TENM4: variants seen among roughly 807,000 people sequenced by gnomAD.
The protein encoded by TENM4 is teneurin-4.
In TENM4, 82 loss-of-function variants were observed where a neutral mutation model predicts 243.3. That is an observed-to-expected ratio of 0.34 (90% CI 0.28 to 0.40). TENM4 has a LOEUF of 0.40. Among genes scored for constraint, TENM4 ranks in the 10% least tolerant of loss-of-function variants. The pLI is 1.00. For missense variants in TENM4, 3,138 were observed against 3,673.3 expected, an observed-to-expected ratio of 0.85 and a Z score of 3.77; for synonymous variants, 1,412 against 1,456.3, an observed-to-expected ratio of 0.97 and a Z score of 0.69.
Position 78,805,282 on chromosome 11 carries a change from C to CCCCACCACCCCCCCCCCCCCAA in TENM4, c.2179+9_2179+10insTTGGGGGGGGGGGGGTGGTGGG. On this transcript the variant is annotated intron_variant, in intron 15 of 33. Coordinates refer to ENST00000278550, the MANE Select transcript of TENM4 (RefSeq NM_001098816.3). ...CCCTCTACCCATGCTTCTTCTCCCC[C>CCCCACCACCCCCCCCCCCCCAA]TGCATTTACCGATAGAACAGTCGTG... 1.0e-6 allele frequency: 1 copy of CCCCACCACCCCCCCCCCCCCAA among 995,568 alleles called. No homozygotes were observed. The highest frequency in any genetic ancestry group is 1.2e-6 in the Non-Finnish European group (1 of 823,790). 61.7% of individuals were successfully genotyped at this position (995,568 alleles called of 1,614,324 possible). A position where few individuals can be genotyped will look rare whatever the true frequency, so the allele number is the denominator to read the frequency against.
At chr11:79,258,911 G>A (rs955356749) in intron 2 of TENM4, among the ~76,000 whole-genome samples, 1 of 152,254 alleles carries the variant, frequency 6.6e-6, no homozygotes, top group Middle Eastern at 3.4e-3. Flanking sequence ...CCCGAGATGA[G>A]CAATCTGAAG....
intron 6 of TENM4, among the ~76,000 whole-genome samples, chr11:79,026,193 T>C (rs1369570112): frequency 6.6e-6 from 1 of 152,202 alleles, no homozygotes; most frequent in Non-Finnish European, 1.5e-5. Flanking sequence ...TAACATTCAT[T>C]AAGGGTATTC....
intron 7 of TENM4, among the ~76,000 whole-genome samples, 153 bp downstream of exon 7, chr11:78,903,115 G>A (rs1334899123): frequency 2.0e-5 from 3 of 152,198 alleles, no homozygotes; most frequent in Non-Finnish European, 2.9e-5. Flanking sequence ...CATGCTGGCA[G>A]TCAGGGAACC....
At chr11:79,409,144 G>A (rs1265421834) in intron 1 of TENM4, among the ~76,000 whole-genome samples, 2 of 150,570 alleles carry the variant, frequency 1.3e-5, no homozygotes, top group African/African-American at 4.9e-5. Context: ...ATGCGTGAGA[G>A]TTAGTGGTTT....
chr11:79,196,274 G>T (rs1324883412), intron 3 of TENM4, among the ~76,000 whole-genome samples: 2 of 152,038 alleles, frequency 1.3e-5, no homozygotes, highest in Non-Finnish European at 2.9e-5. Flanking sequence ...AGCCCAACAG[G>T]CCTGGCTCTG....
intron 6 of TENM4, among the ~76,000 whole-genome samples, chr11:79,028,450 C>T (rs1458936670): frequency 3.9e-5 from 6 of 152,188 alleles, no homozygotes; most frequent in East Asian, 1.9e-4. Flanking sequence ...AGCTACAATG[C>T]GGCTGCAACA....
chr11:78,652,913 G>A lies in TENM4; in HGVS notation c.*5145C>T, dbSNP rs1046004928. ...GCAGTGGCATGGTGGATGACTCTGTGTGCCCAGTGGTGGAGCAAGGCTCCC... is the reference window on the plus strand; with the variant it reads ...GCAGTGGCATGGTGGATGACTCTGTATGCCCAGTGGTGGAGCAAGGCTCCC... On this transcript the variant is annotated 3_prime_UTR_variant, in exon 34 of 34. Coordinates refer to ENST00000278550, the MANE Select transcript of TENM4 (RefSeq NM_001098816.3). The A allele has an allele frequency of 6.6e-6, 1 of 152,258 alleles. No homozygotes were observed. Among genetic ancestry groups the A allele is most frequent in the Non-Finnish European group, 1.5e-5 (1 of 68,050 alleles). 9.4% of individuals were successfully genotyped at this position (152,258 alleles called of 1,614,324 possible).
At chr11:78,814,162 A>T in intron 13 of TENM4, 132 bp downstream of exon 13, 1 of 782,534 alleles carries the variant, frequency 1.3e-6, no homozygotes, top group South Asian at 1.8e-5. Context: ...GCTTCTGGAG[A>T]ATGGCCCTTG....
At position 78,903,418 on chromosome 11, in the gene TENM4, A is replaced by G; in HGVS notation, c.599T>C (p.Leu200Pro). The stretch of plus-strand genomic sequence containing the variant: ...CCTCGGCGTGAAGTTGCCCCGGTTC[A>G]GGGAGTTAATGGAGGCCGCGTGGTG... The part of the protein sequence containing the change: ...NQHHAASINS[L>P]NRGNFTPRSN... Residue 200 changes from leucine (L) to proline (P), a missense_variant, in exon 7 of 34, where the codon CTG (leucine) becomes CCG (proline). This residue lies in a region of TENM4 where 671 missense variants were observed against 614.1 expected (regional missense o/e 1.09). Coordinates refer to ENST00000278550, the MANE Select transcript of TENM4 (RefSeq NM_001098816.3). 2.6e-6 allele frequency: 4 copies of G among 1,544,420 alleles called. No individual in the cohort carries two copies. The highest frequency in any genetic ancestry group is 3.5e-6 in the Non-Finnish European group (4 of 1,143,414).
chr11:79,198,209 G>A (rs373964793), intron 3 of TENM4, among the ~76,000 whole-genome samples: 11 of 152,174 alleles, frequency 7.2e-5, no homozygotes, highest in East Asian at 1.9e-4. Context: ...TGATTAGGCC[G>A]CCACTGTGTG....
chr11:79,100,111 C>T (rs2512076), intron 4 of TENM4, among the ~76,000 whole-genome samples: 22,563 of 152,104 alleles, frequency 0.15, 2,346 homozygotes, highest in East Asian at 0.52. Context: ...GCACGTTTCC[C>T]TGTCTGTAAA....
chr11:79,400,487 C>T (rs565898842), intron 1 of TENM4, among the ~76,000 whole-genome samples: 3 of 152,266 alleles, frequency 2.0e-5, no homozygotes, highest in Middle Eastern at 3.4e-3. Context: ...AAATTGCAAA[C>T]ACTGCTCCTT....
At chr11:78,879,412 G>A (rs1400146097) in intron 9 of TENM4, among the ~76,000 whole-genome samples, 2 of 150,764 alleles carry the variant, frequency 1.3e-5, no homozygotes, top group Non-Finnish European at 3.0e-5. Flanking sequence ...GGTGGGGAGT[G>A]CCTCTGCCCG....
Position 78,711,721 on chromosome 11 carries a change from A to G in TENM4, c.4054+761T>C, listed in dbSNP as rs75000821. Among the ~76,000 whole-genome samples, 1,236 of 152,284 alleles carry G rather than the reference A, an allele frequency of 8.1e-3. 10 individuals are homozygous for G. The highest frequency in any genetic ancestry group is 0.028 in the African/African-American group (1,171 of 41,550). On this transcript the variant is annotated intron_variant, in intron 26 of 33. Transcript: ENST00000278550. Reference sequence around the variant, plus strand: ...ACAGTGAACACTCCACTGAGTGTGGATAATGATGGCTTCTCCAAAAAGCTT... The same window carrying G: ...ACAGTGAACACTCCACTGAGTGTGGGTAATGATGGCTTCTCCAAAAAGCTT...
intron 3 of TENM4, among the ~76,000 whole-genome samples, chr11:79,153,960 C>A (rs1353690693): frequency 6.6e-6 from 1 of 152,178 alleles, no homozygotes; most frequent in Non-Finnish European, 1.5e-5. Context: ...GAACCCCAAA[C>A]TCACTGCCTT....
chr11:78,906,370 A>T (rs761167788), intron 6 of TENM4, among the ~76,000 whole-genome samples: 1 of 152,222 alleles, frequency 6.6e-6, no homozygotes, highest in Non-Finnish European at 1.5e-5. Flanking sequence ...ATGTCTGTCC[A>T]TGGCTAAATG....
At chr11:79,371,816 A>T (rs770090298) in intron 1 of TENM4, among the ~76,000 whole-genome samples, 1 of 152,186 alleles carries the variant, frequency 6.6e-6, no homozygotes, top group Non-Finnish European at 1.5e-5. Context: ...CTACATCACC[A>T]GCCCCCTGTA....
chr11:78,827,390 G>A (rs1458540741), intron 12 of TENM4, among the ~76,000 whole-genome samples: 1 of 151,994 alleles, frequency 6.6e-6, no homozygotes, highest in African/African-American at 2.4e-5. Context: ...CTCCCTGACT[G>A]AGCCCACTGC....
rs79093851 is a variant in TENM4, at chr11:79,062,681, T to A, written c.493+2057A>T. ...GGATGCTAATTTCATTTAAACTATT[T>A]ATTTTATAGATGAGGAAACTGAGGT... On this transcript the variant is annotated intron_variant, in intron 6 of 33. Coordinates refer to ENST00000278550, the MANE Select transcript of TENM4 (RefSeq NM_001098816.3). Among the ~76,000 whole-genome samples the A allele has an allele frequency of 4.9e-3, 743 of 152,268 alleles. 5 individuals are homozygous for A. The highest frequency in any genetic ancestry group is 0.017 in the African/African-American group (698 of 41,556).
Sources: allele counts gnomAD v4.1 joint callset (sites outside exome capture counted in the v4.1 genomes callset), GRCh38; gene constraint gnomAD v4.1.1; regional missense constraint gnomAD v4.1.1; transcripts MANE v1.5; gene names NCBI Gene and HGNC (gene_info 2026-07-23, HGNC 2026-07-21).